The following SP4 variants were observed in gnomAD, a reference collection of about 807,000 sequenced individuals.
SP4 encodes the protein transcription factor Sp4.
A neutral mutation model predicts 72.8 loss-of-function variants in SP4; 19 were observed. That is an observed-to-expected ratio of 0.26 (90% CI 0.18 to 0.38). The LOEUF (loss-of-function observed/expected upper bound fraction) is 0.38, where lower values mean the gene tolerates loss of function less well. SP4 is among the 10% of genes least tolerant of loss of function. The pLI is 1.00. For missense variants in SP4, 1,008 were observed against 926.3 expected, an observed-to-expected ratio of 1.09 and a Z score of -1.14; for synonymous variants, 395 against 333.1, an observed-to-expected ratio of 1.19 and a Z score of -2.02.
intron 4 of SP4, among the ~76,000 whole-genome samples, chr7:21,479,231 T>C (rs939139128): frequency 5.9e-5 from 9 of 151,920 alleles, no homozygotes; most frequent in Middle Eastern, 3.2e-3. Flanking sequence ...TAAGAATTCA[T>C]TGCCAAATCC....
rs140482791 is a variant in SP4 at position 21,432,573 on chromosome 7, A to G, written c.1678+1730A>G. 2.6e-5 allele frequency among the ~76,000 whole-genome samples: 4 copies of G among 152,352 alleles called. No individual in the cohort carries two copies. In the East Asian group the frequency reaches 7.7e-4, roughly 29 times the overall value. On this transcript the variant is annotated intron_variant, in intron 3 of 5. Transcript: ENST00000222584. Reference sequence around the variant, plus strand: ...TGAGGGTAAAGAAATGTTTTGGCCAACCAAACTTAGATTAACTTGAATGGT... The same window carrying G: ...TGAGGGTAAAGAAATGTTTTGGCCAGCCAAACTTAGATTAACTTGAATGGT...
intron 3 of SP4, among the ~76,000 whole-genome samples, chr7:21,445,157 A>G (rs1392478466): frequency 6.6e-6 from 1 of 152,180 alleles, no homozygotes; most frequent in Non-Finnish European, 1.5e-5. Context: ...AAGAGTATGT[A>G]TTCTTTTTTC....
chr7:21,430,434 G>C lies in SP4; in HGVS notation c.1269G>C (p.Gln423His). The C allele has an allele frequency of 6.2e-7, 1 of 1,614,174 alleles. No individual in the cohort carries two copies. The highest frequency in any genetic ancestry group is 1.1e-5 in the South Asian group (1 of 91,080). The change falls in exon 3 of 6, where the codon CAG becomes CAC. Residue 423 changes from glutamine (Q) to histidine (H), a missense_variant. Transcript: ENST00000222584. ...AGATCATTCAGGCTATTCCACCACA[G>C]TCGTTTCAACTCCAGTCAGGGCAGA... Reference protein sequence around the residue: ...QQQIIQAIPPQSFQLQSGQTI... With the variant: ...QQQIIQAIPPHSFQLQSGQTI...
chr7:21,470,940 A>G (rs1323845133), intron 3 of SP4: 1 of 420,336 alleles, frequency 2.4e-6, no homozygotes, highest in Non-Finnish European at 4.9e-6. Context: ...AAATTATTTT[A>G]CAAAGCAGTT....
At chr7:21,483,363 G>A (rs1276118243) in intron 5 of SP4, among the ~76,000 whole-genome samples, 1 of 151,760 alleles carries the variant, frequency 6.6e-6, no homozygotes, top group Non-Finnish European at 1.5e-5. Context: ...TTGTCATATG[G>A]AAGTCTTACA....
chr7:21,488,775 A>T lies in SP4; in HGVS notation c.2107+6652A>T, dbSNP rs547909846. 2.5e-4 allele frequency among the ~76,000 whole-genome samples: 38 copies of T among 152,294 alleles called. No individual in the cohort carries two copies. In the South Asian group the frequency reaches 7.5e-3, roughly 30 times the overall value. On this transcript the variant is annotated intron_variant, in intron 5 of 5. Transcript: ENST00000222584. The stretch of plus-strand genomic sequence containing the variant: ...ACAAGACCCCGTCTCTTAAAAAAAA[A>T]ATACTGATAACTTGGAAATACTATA...
chr7:21,502,049 C>T (rs562719623), intron 5 of SP4, among the ~76,000 whole-genome samples: 23 of 118,222 alleles, frequency 1.9e-4, no homozygotes, highest in Admixed American at 2.5e-4. Context: ...CACCCCCCCC[C>T]CCCCGGAACT....
chr7:21,432,327 C>T (rs1244352599), intron 3 of SP4, among the ~76,000 whole-genome samples: 6 of 152,138 alleles, frequency 3.9e-5, no homozygotes, highest in African/African-American at 1.4e-4. Flanking sequence ...AAAACTTTGA[C>T]AATAATTGTA....
intron 3 of SP4, among the ~76,000 whole-genome samples, chr7:21,437,828 C>T (rs901603265): frequency 5.3e-5 from 8 of 152,098 alleles, no homozygotes; most frequent in African/African-American, 9.7e-5. Context: ...CAATATTGTG[C>T]GCAGTACCGG....
At chr7:21,504,273 C>A (rs1451616772) in intron 5 of SP4, among the ~76,000 whole-genome samples, 1 of 152,114 alleles carries the variant, frequency 6.6e-6, no homozygotes, top group Non-Finnish European at 1.5e-5. Context: ...ATTATTTTCC[C>A]CTGCTATTTA....
chr7:21,462,813 C>CAGCT (rs1167332220), intron 3 of SP4, among the ~76,000 whole-genome samples: 1 of 152,146 alleles, frequency 6.6e-6, no homozygotes, highest in Non-Finnish European at 1.5e-5. Flanking sequence ...AGTATGTCAG[C>CAGCT]AGCTAAGAGG....
At chr7:21,503,177 T>A (rs1191376002) in intron 5 of SP4, among the ~76,000 whole-genome samples, 1 of 151,880 alleles carries the variant, frequency 6.6e-6, no homozygotes, top group Admixed American at 6.6e-5. Context: ...ACTCAAGAGG[T>A]GAAGTTTGAG....
chr7:21,499,220 G>A (rs1170344886), intron 5 of SP4, among the ~76,000 whole-genome samples: 1 of 152,150 alleles, frequency 6.6e-6, no homozygotes, highest in Non-Finnish European at 1.5e-5. Context: ...GGAAGAGAAA[G>A]GATCGGTCTT....
chr7:21,430,947 A>G, intron 3 of SP4, 104 bp downstream of exon 3: 1 of 789,516 alleles, frequency 1.3e-6, no homozygotes, highest in Non-Finnish European at 2.0e-6. Flanking sequence ...TGAAGTAAAC[A>G]CACAATCATA....
At position 21,430,605 on chromosome 7, in the gene SP4, T is replaced by C. The variant is rs369313118; in HGVS notation, c.1440T>C (p.Leu480=). ...QTVQVQNIQS[L]SNLQVQNAGL... The stretch of plus-strand genomic sequence containing the variant: ...TACAGGTTCAGAATATTCAGAGTCT[T>C]TCAAATTTGCAAGTTCAGAATGCTG... Residue 480 remains leucine, a synonymous_variant, in exon 3 of 6, where the codon CTT becomes CTC. Transcript: ENST00000222584. 3 of 1,614,106 alleles carry C rather than the reference T, an allele frequency of 1.9e-6. No homozygotes were observed. In the African/African-American group the frequency reaches 4.0e-5, roughly 22 times the overall value.
rs563095925 is a variant in SP4 at position 21,472,538 on chromosome 7, C to A, written c.1679-4541C>A. Among the ~76,000 whole-genome samples, 10 of 152,204 alleles carry A rather than the reference C, an allele frequency of 6.6e-5. No homozygotes were observed. The East Asian group carries it at 1.2e-3, about 18-fold the overall frequency. On this transcript the variant is annotated intron_variant, in intron 3 of 5. Transcript: ENST00000222584. ...GAACTCCTGGGCTCAAGCAGTCCTC[C>A]TGCCTCGGCCTCCCAAAGTGCGGGG...
At position 21,430,231 on chromosome 7, in the gene SP4, G is replaced by C. The variant is rs775200062; in HGVS notation, c.1066G>C (p.Glu356Gln). ...TGCAAGCACATCAGCCAGTAGTTCT[G>C]AACGCACCATTGAAGAATCTCAAAC... ...QYASTSASSS[E>Q]RTIEESQTPA... The change falls in exon 3 of 6, where the codon GAA (glutamate) becomes CAA (glutamine). Residue 356 changes from glutamate to glutamine, a missense_variant. By Grantham distance (29) the Glu-to-Gln change is conservative. Transcript: ENST00000222584. 3.1e-6 allele frequency: 5 copies of C among 1,614,142 alleles called. No homozygotes were observed. Among genetic ancestry groups the C allele is most frequent in the South Asian group, 1.1e-5 (1 of 91,084 alleles).
In SP4 at chr7:21,430,769, CAGTG is replaced by C; in HGVS notation, c.1607_1610del (p.Val536AlafsTer32). On this transcript the variant is annotated frameshift_variant, in exon 3 of 6. Transcript: ENST00000222584. LOFTEE classifies it high-confidence loss of function. ...CTTGCATCAGTGCCTAACCTTCAGA[CAGTG>C]AGCGTTGCCAACCTGGGTGCTGCAG... The C allele has an allele frequency of 1.2e-6, 2 of 1,614,214 alleles. No individual in the cohort carries two copies. Among genetic ancestry groups the C allele is most frequent in the Non-Finnish European group, 1.7e-6 (2 of 1,180,038 alleles).
intron 3 of SP4, among the ~76,000 whole-genome samples, chr7:21,435,003 G>C (rs1359062121): frequency 1.3e-5 from 2 of 152,100 alleles, no homozygotes; most frequent in Non-Finnish European, 2.9e-5. Flanking sequence ...TAGTCAAAGA[G>C]CCCTAAATAA....
Sources: gnomAD v4.1 joint callset for allele counts (sites outside exome capture counted in the v4.1 genomes callset) on GRCh38, gnomAD v4.1.1 for gene constraint, MANE v1.5 for transcripts, NCBI Gene and HGNC (gene_info 2026-07-23, HGNC 2026-07-21) for gene names.